TFEC: variants seen among roughly 807,000 people sequenced by gnomAD.
TFEC encodes the protein transcription factor EC.
In TFEC, 31 loss-of-function variants were observed where a neutral mutation model predicts 41.6. The observed-to-expected ratio is 0.74, with a 90% confidence interval of 0.56 to 1.01. The LOEUF (loss-of-function observed/expected upper bound fraction) is 1.01, where lower values mean the gene tolerates loss of function less well. Among genes scored for constraint, TFEC ranks in the 50% least tolerant of loss-of-function variants. The pLI, the probability that TFEC is intolerant of heterozygous loss-of-function variation, is 0.00. For synonymous variants in TFEC, 143 were observed against 140.6 expected (o/e 1.02, Z -0.12); for missense variants, 402 against 404.1 (o/e 0.99, Z 0.04).
intron 1 of TFEC, among the ~76,000 whole-genome samples, chr7:116,112,762 T>G (rs1797885274): frequency 6.6e-6 from 1 of 151,872 alleles, no homozygotes; most frequent in Admixed American, 6.6e-5. Context: ...TGAAGCCCAA[T>G]AGAGGAATGT....
chr7:116,075,666 C>G, intron 3 of TFEC, among the ~76,000 whole-genome samples: 1 of 152,080 alleles, frequency 6.6e-6, no homozygotes, highest in Non-Finnish European at 1.5e-5. Context: ...AGCCATAACC[C>G]CTAGGAACAT....
chr7:116,024,143 T>C (rs892563028), intron 1 of TFEC, among the ~76,000 whole-genome samples: 3 of 152,246 alleles, frequency 2.0e-5, no homozygotes, highest in South Asian at 4.1e-4. Context: ...TCTGGTCCCA[T>C]GTTACCTCTA....
intron 3 of TFEC, among the ~76,000 whole-genome samples, chr7:116,074,155 C>T (rs1036045115): frequency 6.7e-6 from 1 of 148,904 alleles, no homozygotes. Flanking sequence ...TTTATGATTA[C>T]TAAATATGTA....
intron 1 of TFEC, among the ~76,000 whole-genome samples, chr7:116,007,197 T>C (rs957673196): frequency 2.6e-5 from 4 of 152,072 alleles, no homozygotes; most frequent in African/African-American, 7.2e-5. Context: ...AGAGAACTGA[T>C]AGAGATCCAT....
At chr7:115,960,147 C>A (rs1792461521) in intron 3 of TFEC, among the ~76,000 whole-genome samples, 1 of 150,554 alleles carries the variant, frequency 6.6e-6, no homozygotes, top group African/African-American at 2.4e-5. Flanking sequence ...AATCTAAAAG[C>A]CTAGAAAGAA....
chr7:116,006,742 C>A (rs950493330), intron 1 of TFEC, among the ~76,000 whole-genome samples: 1 of 152,052 alleles, frequency 6.6e-6, no homozygotes, highest in Admixed American at 6.6e-5. Context: ...GGGATGGGGG[C>A]AGAATGATAT....
At chr7:116,136,476 T>C (rs1459479330) in intron 1 of TFEC, among the ~76,000 whole-genome samples, 1 of 151,978 alleles carries the variant, frequency 6.6e-6, no homozygotes, top group Non-Finnish European at 1.5e-5. Context: ...AATAGATTCT[T>C]TCTTCATCAT....
intron 1 of TFEC, among the ~76,000 whole-genome samples, chr7:116,013,279 C>T (rs374930894): frequency 6.6e-6 from 1 of 152,056 alleles, no homozygotes; most frequent in Admixed American, 6.6e-5. Flanking sequence ...AATCAAATTC[C>T]TCAAGTACTG....
intron 1 of TFEC, among the ~76,000 whole-genome samples, chr7:116,028,822 C>T (rs547935924): frequency 6.6e-6 from 1 of 152,286 alleles, no homozygotes; most frequent in African/African-American, 2.4e-5. Flanking sequence ...ACTAGTTTAT[C>T]TAAAACCATT....
At chr7:116,131,643 T>C (rs1226194037) in intron 1 of TFEC, among the ~76,000 whole-genome samples, 1 of 152,208 alleles carries the variant, frequency 6.6e-6, no homozygotes, top group Non-Finnish European at 1.5e-5. Flanking sequence ...CACTGTCCAC[T>C]GTCTATATTT....
intron 3 of TFEC, among the ~76,000 whole-genome samples, chr7:116,067,561 T>C (rs1351951833): frequency 3.9e-5 from 6 of 152,062 alleles, no homozygotes; most frequent in Admixed American, 3.3e-4. Context: ...TTTCTTCTTA[T>C]ACAGAGTAGT....
At chr7:116,151,616 T>C (rs1256671152) in intron 1 of TFEC, among the ~76,000 whole-genome samples, 1 of 152,108 alleles carries the variant, frequency 6.6e-6, no homozygotes, top group Non-Finnish European at 1.5e-5. Context: ...TTGGTTTTGG[T>C]TTTGGTTTTT....
At chr7:116,033,364 T>G (rs1341229643), upstream of TFEC, among the ~76,000 whole-genome samples, 1 of 152,036 alleles carries the variant, frequency 6.6e-6, no homozygotes, top group Non-Finnish European at 1.5e-5. Context: ...TTTGCCTCAG[T>G]CTCCTCAACT....
intron 3 of TFEC, among the ~76,000 whole-genome samples, chr7:116,090,686 C>T (rs1160816004): frequency 6.6e-6 from 1 of 151,958 alleles, no homozygotes; most frequent in Non-Finnish European, 1.5e-5. Context: ...TATATTTTAT[C>T]TGAAAATATA....
At chr7:115,959,119 TA>T (rs1792395657) in intron 3 of TFEC, among the ~76,000 whole-genome samples, 1 of 151,868 alleles carries the variant, frequency 6.6e-6, no homozygotes, top group Non-Finnish European at 1.5e-5. Flanking sequence ...TTTATTATGA[TA>T]TTTTTAAAAG....
chr7:116,134,825 T>A (rs1798404199), intron 1 of TFEC, among the ~76,000 whole-genome samples: 1 of 152,140 alleles, frequency 6.6e-6, no homozygotes, highest in African/African-American at 2.4e-5. Context: ...ACTTAAAGTA[T>A]TAAATAATGT....
intron 3 of TFEC, among the ~76,000 whole-genome samples, chr7:116,081,015 G>GTGTGTGTGTA (rs1562962557): frequency 2.0e-4 from 30 of 147,678 alleles, no homozygotes; most frequent in African/African-American, 6.5e-4. Context: ...GTGTGTGTGT[G>GTGTGTGTGTA]TATAAATATA....
intron 3 of TFEC, among the ~76,000 whole-genome samples, chr7:116,107,920 AT>A (rs1797757475): frequency 6.6e-6 from 1 of 152,198 alleles, no homozygotes; most frequent in African/African-American, 2.4e-5. Flanking sequence ...ATGTAAAGTG[AT>A]TAGCATGATG....
chr7:115,960,044 T>C (rs1182312425), intron 3 of TFEC, among the ~76,000 whole-genome samples: 1 of 151,392 alleles, frequency 6.6e-6, no homozygotes, highest in Non-Finnish European at 1.5e-5. Context: ...AAAATCAAAG[T>C]GTTTATAGAA....
Sources: gnomAD v4.1 joint callset for allele counts (sites outside exome capture counted in the v4.1 genomes callset) on GRCh38, gnomAD v4.1.1 for gene constraint, MANE v1.5 for transcripts, NCBI Gene and HGNC (gene_info 2026-07-23, HGNC 2026-07-21) for gene names.